The following CPA5 variants were observed in gnomAD, a reference collection of about 807,000 sequenced individuals.
The protein encoded by CPA5 is testicular tissue protein Li 32.
CPA5 carries 38 observed loss-of-function variants against 52.2 expected under a neutral mutation model. The observed-to-expected ratio is 0.73, with a 90% CI of 0.56 to 0.95. The LOEUF (loss-of-function observed/expected upper bound fraction) is 0.95, where lower values mean the gene tolerates loss of function less well. Among genes scored for constraint, CPA5 ranks in the 40% least tolerant of loss-of-function variants. The pLI, the probability that CPA5 is intolerant of heterozygous loss-of-function variation, is 0.00. For synonymous variants in CPA5, 198 were observed against 213.7 expected (o/e 0.93, Z 0.64); for missense variants, 519 against 566.7 (o/e 0.92, Z 0.86).
Position 130,349,955 on chromosome 7 carries a change from CTCTT to C in CPA5, c.199-17_199-14del. On this transcript the variant is annotated splice_polypyrimidine_tract_variant and intron_variant, in intron 4 of 12. Transcript: ENST00000474905. ...AGGACATGGAGTAATGCAGCTCTCT[CTCTT>C]TCCTTGGTGAACAAGGTGGACTTCT... 6.2e-7 allele frequency: 1 copy of C among 1,608,298 alleles called. No homozygotes were observed. The highest frequency in any genetic ancestry group is 8.5e-7 in the Non-Finnish European group (1 of 1,177,528).
chr7:130,371,398 T>G (rs1796293259), downstream of CPA5, among the ~76,000 whole-genome samples: 1 of 152,178 alleles, frequency 6.6e-6, no homozygotes, highest in African/African-American at 2.4e-5. Flanking sequence ...GGGTTTGGGC[T>G]GACCTGCAGG....
the CPA5 span, among the ~76,000 whole-genome samples, chr7:130,374,406 G>A: frequency 6.6e-6 from 1 of 152,058 alleles, no homozygotes; most frequent in Non-Finnish European, 1.5e-5. Flanking sequence ...TTGCTCTGGG[G>A]CCTGCAGTTC....
At chr7:130,352,437 C>G (rs573031758) in intron 5 of CPA5, among the ~76,000 whole-genome samples, 2 of 151,590 alleles carry the variant, frequency 1.3e-5, no homozygotes, top group East Asian at 3.9e-4. Flanking sequence ...GCTATGGGAG[C>G]GCATACAAGA....
the CPA5 span, among the ~76,000 whole-genome samples, chr7:130,374,217 C>T: frequency 3.3e-5 from 5 of 151,864 alleles, no homozygotes; most frequent in African/African-American, 9.7e-5. Flanking sequence ...CATGGCCTGC[C>T]GGCGTGGGAC....
At chr7:130,361,319 G>A (rs1554406628) in intron 7 of CPA5, 75 bp downstream of exon 7, 2 of 1,038,254 alleles carry the variant, frequency 1.9e-6, no homozygotes, top group African/African-American at 1.6e-5. Flanking sequence ...ATATGGGGTA[G>A]TGGCTGGGCG....
At chr7:130,355,672 G>A (rs970807560) in intron 5 of CPA5, among the ~76,000 whole-genome samples, 1 of 152,210 alleles carries the variant, frequency 6.6e-6, no homozygotes. Flanking sequence ...GCATCCCAAA[G>A]TGCTGGGATT....
intron 5 of CPA5, among the ~76,000 whole-genome samples, chr7:130,353,317 G>A (rs1054113970): frequency 3.9e-5 from 6 of 151,952 alleles, no homozygotes; most frequent in African/African-American, 1.5e-4. Flanking sequence ...GATCCAACCC[G>A]ATGGCCGACT....
intron 11 of CPA5, 162 bp downstream of exon 11, chr7:130,367,733 C>G (rs782329781): frequency 3.5e-6 from 3 of 855,056 alleles, no homozygotes; most frequent in African/African-American, 3.3e-5. Flanking sequence ...GCTGTTCTCA[C>G]GTGTGATCAA....
Position 130,362,953 on chromosome 7 carries a change from C to T in CPA5, c.706C>T (p.Leu236Phe), listed in dbSNP as rs1795874747. The change falls in exon 9 of 13, where the codon CTC becomes TTC. Residue 236 changes from leucine to phenylalanine, a missense_variant. Leu to Phe is a conservative substitution (Grantham distance 22). Coordinates refer to ENST00000474905, the MANE Select transcript of CPA5 (RefSeq NM_080385.5). ...GAATGCCATGGACATCTTCATAGAG[C>T]TCGTCACAAACCCTGATGGGTTTGC... ...ILNAMDIFIE[L>F]VTNPDGFAFT... The T allele has an allele frequency of 6.2e-7, 1 of 1,613,668 alleles. No individual in the cohort carries two copies. The highest frequency in any genetic ancestry group is 1.1e-5 in the South Asian group (1 of 91,056).
chr7:130,374,247 A>C, the CPA5 span, among the ~76,000 whole-genome samples: 1 of 149,992 alleles, frequency 6.7e-6, no homozygotes, highest in South Asian at 2.2e-4. Context: ...CCACATCTCA[A>C]ACTCGGGGGG....
chr7:130,355,541 G>T (rs1795427728), intron 5 of CPA5, among the ~76,000 whole-genome samples: 1 of 152,062 alleles, frequency 6.6e-6, no homozygotes, highest in African/African-American at 2.4e-5. Context: ...CAAGTAGCTG[G>T]GCTTACAGGC....
intron 3 of CPA5, 88 bp downstream of exon 3, chr7:130,346,689 C>A: frequency 9.8e-7 from 1 of 1,018,934 alleles, no homozygotes; most frequent in Non-Finnish European, 1.5e-6. Context: ...CTGCTGGTGC[C>A]TGATCAAGGC....
Position 130,362,957 on chromosome 7 carries a change from T to C in CPA5, c.710T>C (p.Val237Ala). The C allele has an allele frequency of 6.2e-7, 1 of 1,613,574 alleles. No individual in the cohort carries two copies. ...GCCATGGACATCTTCATAGAGCTCG[T>C]CACAAACCCTGATGGGTTTGCTTTT... ...LNAMDIFIEL[V>A]TNPDGFAFTH... The change falls in exon 9 of 13, where the codon GTC becomes GCC. Residue 237 changes from valine to alanine, a missense_variant. Val to Ala is a moderately conservative substitution (Grantham distance 64). Coordinates refer to ENST00000474905, the MANE Select transcript of CPA5 (RefSeq NM_080385.5).
rs2117308299 is a variant in CPA5, at chr7:130,349,962, C to T, written c.199-13C>T. 2 of 1,609,896 alleles carry T rather than the reference C, an allele frequency of 1.2e-6. No individual in the cohort carries two copies. Among genetic ancestry groups the T allele is most frequent in the Non-Finnish European group, 8.5e-7 (1 of 1,178,278 alleles). ...GGAGTAATGCAGCTCTCTCTCTTTC[C>T]TTGGTGAACAAGGTGGACTTCTGGC... is the stretch of plus-strand genomic sequence containing the variant. On this transcript the variant is annotated splice_polypyrimidine_tract_variant and intron_variant, in intron 4 of 12. Coordinates refer to ENST00000474905, the MANE Select transcript of CPA5 (RefSeq NM_080385.5).
rs529896799 is a variant in CPA5, at chr7:130,367,470, C to T, written c.937C>T (p.His313Tyr). ...VAAIVNFITA[H>Y]GNFKALISIH... The stretch of plus-strand genomic sequence containing the variant: ...TGCCATAGTGAACTTCATCACAGCC[C>T]ATGGCAACTTCAAGGCTCTGATCTC... Residue 313 changes from histidine to tyrosine, a missense_variant, in exon 11 of 13, where the codon CAT (histidine) becomes TAT (tyrosine). Transcript: ENST00000474905. The T allele has an allele frequency of 3.7e-6, 6 of 1,614,120 alleles. No homozygotes were observed. In the Admixed American group the frequency reaches 8.3e-5, roughly 22 times the overall value.
chr7:130,368,349 AC>A, intron 12 of CPA5, 60 bp from the exon 13 acceptor site: 1 of 1,548,656 alleles, frequency 6.5e-7, no homozygotes, highest in Non-Finnish European at 8.8e-7. Context: ...ATGCCTCTGT[AC>A]CTTGCAGCCA....
At chr7:130,370,714 G>A (rs117910064), downstream of CPA5, among the ~76,000 whole-genome samples, 313 of 152,276 alleles carry the variant, frequency 2.1e-3, 1 homozygote, top group East Asian at 0.024. Flanking sequence ...TGCAGCCGGT[G>A]GCCCATCTGC....
At chr7:130,361,704 C>G (rs1467504153) in intron 7 of CPA5, among the ~76,000 whole-genome samples, 2 of 152,172 alleles carry the variant, frequency 1.3e-5, no homozygotes, top group African/African-American at 4.8e-5. Flanking sequence ...GCCACTGGAA[C>G]AGAATTCAAG....
In CPA5 at chr7:130,362,887, GT is replaced by G; in HGVS notation, c.641del (p.Val214AlafsTer10). ...ATGIWTANKI[V>X]SDYGKDRVLT... ...CCCTCCTCACTCTTTCTTGCAGATT[GT>G]CAGTGATTATGGCAAAGACCGTGTC... On this transcript the variant is annotated frameshift_variant, in exon 9 of 13. Coordinates refer to ENST00000474905, the MANE Select transcript of CPA5 (RefSeq NM_080385.5). LOFTEE classifies it high-confidence loss of function. 1 of 1,608,366 alleles carries G rather than the reference GT, an allele frequency of 6.2e-7. No individual in the cohort carries two copies. Among genetic ancestry groups the G allele is most frequent in the Non-Finnish European group, 8.5e-7 (1 of 1,175,130 alleles).
Sources: gnomAD v4.1 joint callset for allele counts (sites outside exome capture counted in the v4.1 genomes callset) on GRCh38, gnomAD v4.1.1 for gene constraint, MANE v1.5 for transcripts, NCBI Gene and HGNC (gene_info 2026-07-23, HGNC 2026-07-21) for gene names.